Variants in CD276 observed in about 807,000 individuals in gnomAD.
The protein encoded by CD276 is CD276 molecule, also known as CD276 antigen.
Under a neutral mutation model 50.0 loss-of-function variants are expected in CD276, and 34 were observed. The observed-to-expected ratio is 0.68, with a 90% CI of 0.52 to 0.91. CD276 has a LOEUF of 0.91. Among genes scored for constraint, CD276 ranks in the 40% least tolerant of loss-of-function variants. The probability of loss-of-function intolerance (pLI) is 0.00; values close to 1 mark genes in which losing one functional copy is unlikely to be tolerated. For synonymous variants in CD276, 275 were observed against 313.0 expected (o/e 0.88, Z 1.28); for missense variants, 634 against 717.5 (o/e 0.88, Z 1.33).
intron 4 of CD276, 26 bp from the exon 5 acceptor site, chr15:73,703,633 C>A: frequency 6.4e-7 from 1 of 1,571,458 alleles, no homozygotes; most frequent in African/African-American, 1.3e-5. Context: ...CTCCTCACCA[C>A]CCTGCCCCTC....
At chr15:73,695,344 C>T (rs1011344348) in intron 1 of CD276, among the ~76,000 whole-genome samples, 2 of 152,120 alleles carry the variant, frequency 1.3e-5, no homozygotes, top group Admixed American at 1.3e-4. Flanking sequence ...GAGGACGGGT[C>T]TCTGGAGTTC....
chr15:73,699,461 T>TATGGGA, intron 1 of CD276, 125 bp from the exon 2 acceptor site: 1 of 1,262,890 alleles, frequency 7.9e-7, no homozygotes, highest in Non-Finnish European at 1.1e-6. Flanking sequence ...CCCGGTGGGA[T>TATGGGA]ATGGGAATGA....
intron 1 of CD276, among the ~76,000 whole-genome samples, chr15:73,685,368 C>T (rs926898004): frequency 6.6e-6 from 1 of 151,604 alleles, no homozygotes; most frequent in Non-Finnish European, 1.5e-5. Flanking sequence ...CAAACCTGCT[C>T]TAATGAGAAA....
intron 1 of CD276, among the ~76,000 whole-genome samples, chr15:73,693,344 T>A (rs1490807623): frequency 6.6e-6 from 1 of 152,170 alleles, no homozygotes; most frequent in Non-Finnish European, 1.5e-5. Context: ...CACAGCATTG[T>A]AAATATAGTT....
At chr15:73,710,791 A>AGC (rs1900866244) in intron 8 of CD276, among the ~76,000 whole-genome samples, 4 of 152,142 alleles carry the variant, frequency 2.6e-5, no homozygotes, top group Non-Finnish European at 5.9e-5. Context: ...CCCACCTGCA[A>AGC]ATCTGCCAGC....
chr15:73,710,307 C>T lies in CD276; in HGVS notation c.1546+618C>T, dbSNP rs532055496. 5.0e-3 allele frequency among the ~76,000 whole-genome samples: 767 copies of T among 152,340 alleles called. 9 individuals are homozygous for T. The highest frequency in any genetic ancestry group is 0.041 in the Middle Eastern group (12 of 294). ...GCCTTGCTCCTCTGGGCATCAGTTT[C>T]CCATCTGTAAAATGTCATCCTGACC... On this transcript the variant is annotated intron_variant, in intron 8 of 9. Transcript: ENST00000318443.
intron 1 of CD276, among the ~76,000 whole-genome samples, chr15:73,688,346 A>G (rs942910331): frequency 1.3e-5 from 2 of 152,104 alleles, no homozygotes; most frequent in African/African-American, 4.8e-5. Flanking sequence ...GCACTTTCCT[A>G]AGTCCTCTCT....
chr15:73,705,923 T>C (rs1900630224), intron 6 of CD276, among the ~76,000 whole-genome samples: 1 of 152,238 alleles, frequency 6.6e-6, no homozygotes, highest in South Asian at 2.1e-4. Context: ...TTCTCTATTT[T>C]AAACTTGAGT....
At position 73,713,278 on chromosome 15, in the gene CD276, C is replaced by G. The variant is rs920447343; in HGVS notation, c.*322C>G. On this transcript the variant is annotated 3_prime_UTR_variant, in exon 10 of 10. Coordinates refer to ENST00000318443, the MANE Select transcript of CD276 (RefSeq NM_001024736.2). Reference sequence around the variant, plus strand: ...ACAGTACACTGACCACATCACCACCCTCTTCTTCCAGTGCTGCGTGGACCA... The same window carrying G: ...ACAGTACACTGACCACATCACCACCGTCTTCTTCCAGTGCTGCGTGGACCA... 2 of 359,288 alleles carry G rather than the reference C, an allele frequency of 5.6e-6. No homozygotes were observed. Among genetic ancestry groups the G allele is most frequent in the African/African-American group, 4.3e-5 (2 of 46,456 alleles). 22.3% of individuals were successfully genotyped at this position (359,288 alleles called of 1,614,324 possible). A position where few individuals can be genotyped will look rare whatever the true frequency, so the allele number is the denominator to read the frequency against.
chr15:73,700,122 T>A (rs1312339673), intron 2 of CD276, among the ~76,000 whole-genome samples: 2 of 151,942 alleles, frequency 1.3e-5, no homozygotes, highest in Admixed American at 1.3e-4. Context: ...ACACCTCCGC[T>A]CCTCCCTCCC....
intron 1 of CD276, among the ~76,000 whole-genome samples, chr15:73,689,801 AC>A (rs1268570386): frequency 6.6e-6 from 1 of 152,140 alleles, no homozygotes. Flanking sequence ...TTGTGATTAC[AC>A]CAGCCCAACA....
intron 6 of CD276, among the ~76,000 whole-genome samples, chr15:73,707,476 C>T (rs897520382): frequency 3.3e-5 from 5 of 152,226 alleles, no homozygotes; most frequent in African/African-American, 1.2e-4. Flanking sequence ...TAATATCCCC[C>T]TGGCAAGGCC....
chr15:73,709,565 C>T (rs1244884507), intron 7 of CD276, 83 bp from the exon 8 acceptor site: 13 of 1,397,686 alleles, frequency 9.3e-6, no homozygotes, highest in Non-Finnish European at 1.3e-5. Context: ...TCACCAGCTT[C>T]CTGCACTCTC....
intron 1 of CD276, among the ~76,000 whole-genome samples, chr15:73,691,395 ATT>A (rs1899983849): frequency 6.6e-6 from 1 of 152,194 alleles, no homozygotes; most frequent in African/African-American, 2.4e-5. Context: ...TAGCAGACAC[ATT>A]TATTGCTAAC....
At chr15:73,694,268 G>T (rs546172520) in intron 1 of CD276, among the ~76,000 whole-genome samples, 2 of 152,294 alleles carry the variant, frequency 1.3e-5, no homozygotes, top group Admixed American at 1.3e-4. Context: ...CCCCAAGCCT[G>T]GTCACTTCTA....
At chr15:73,701,613 T>G (rs1055557257) in intron 2 of CD276, among the ~76,000 whole-genome samples, 3 of 152,348 alleles carry the variant, frequency 2.0e-5, no homozygotes, top group South Asian at 4.1e-4. Context: ...ATGTCAGCTC[T>G]TTTTCATTCC....
At position 73,713,606 on chromosome 15, in the gene CD276, G is replaced by A. The variant is rs762960803; in HGVS notation, c.*650G>A. ...CCCAAGTGAAGACAGGGCACTCTGC[G>A]CCCACCACATGCACAGCTGTGCATG... On this transcript the variant is annotated 3_prime_UTR_variant, in exon 10 of 10. Coordinates refer to ENST00000318443, the MANE Select transcript of CD276 (RefSeq NM_001024736.2). 13 of 333,590 alleles carry A rather than the reference G, an allele frequency of 3.9e-5. No individual in the cohort carries two copies. In the East Asian group the frequency reaches 5.0e-4, roughly 13 times the overall value. The allele number at this position is 333,590 out of a possible 1,614,324, so 20.7% of individuals were successfully genotyped here. A position where few individuals can be genotyped will look rare whatever the true frequency, so the allele number is the denominator to read the frequency against.
rs145666392 is a variant in CD276 at position 73,698,235 on chromosome 15, A to G, written c.-54-1351A>G. On this transcript the variant is annotated intron_variant, in intron 1 of 9. Coordinates refer to ENST00000318443, the MANE Select transcript of CD276 (RefSeq NM_001024736.2). The stretch of plus-strand genomic sequence containing the variant: ...ACTTCTGATCTGTCTTGGTCACTCA[A>G]TACAGATGTGTTAAGCTAGCAAATG... Among the ~76,000 whole-genome samples, 276 of 152,290 alleles carry G rather than the reference A, an allele frequency of 1.8e-3. 1 individual carries two copies. The highest frequency in any genetic ancestry group is 6.4e-3 in the African/African-American group (266 of 41,546).
chr15:73,695,972 C>T (rs1900157897), intron 1 of CD276, among the ~76,000 whole-genome samples: 1 of 152,220 alleles, frequency 6.6e-6, no homozygotes, highest in South Asian at 2.1e-4. Flanking sequence ...GCCCTGAGCC[C>T]AGGTGCAGTC....
Sources: allele counts gnomAD v4.1 joint callset (sites outside exome capture counted in the v4.1 genomes callset), GRCh38; gene constraint gnomAD v4.1.1; transcripts MANE v1.5; gene names NCBI Gene and HGNC (gene_info 2026-07-23, HGNC 2026-07-21).